ZHX3: variants seen among roughly 807,000 people sequenced by gnomAD.
ZHX3 encodes the protein zinc fingers and homeoboxes protein 3.
A neutral mutation model predicts 64.5 loss-of-function variants in ZHX3; 20 were observed. That is an observed-to-expected ratio of 0.31 (90% CI 0.22 to 0.45). The LOEUF is 0.45. Among genes scored for constraint, ZHX3 ranks in the 20% least tolerant of loss-of-function variants. The probability of loss-of-function intolerance (pLI) is 1.00; values close to 1 mark genes in which losing one functional copy is unlikely to be tolerated. For synonymous variants in ZHX3, 423 were observed against 461.6 expected (o/e 0.92, Z 1.07); for missense variants, 1,041 against 1,195.8 (o/e 0.87, Z 1.91).
At chr20:41,215,169 A>C (rs917708285) in intron 2 of ZHX3, among the ~76,000 whole-genome samples, 1 of 152,166 alleles carries the variant, frequency 6.6e-6, no homozygotes, top group African/African-American at 2.4e-5. Flanking sequence ...AGGCAGGAGA[A>C]TCACTTGAAC....
chr20:41,289,285 G>T (rs2044103898), intron 1 of ZHX3, among the ~76,000 whole-genome samples: 1 of 152,124 alleles, frequency 6.6e-6, no homozygotes, highest in East Asian at 1.9e-4. Context: ...ACAGGCATGA[G>T]CCACAGCACT....
rs892083495 is a variant in ZHX3 at position 41,212,992 on chromosome 20, T to G, written c.-150-7926A>C. On this transcript the variant is annotated intron_variant, in intron 2 of 3. Transcript: ENST00000683867. The surrounding 1 kb of genome is among the most constrained non-coding windows in gnomAD (Gnocchi z 4.3). ...ATCTATCAGCTGGTGAATGGGTAAG[T>G]AAAATATGATATATCCATACGATGA... Among the ~76,000 whole-genome samples the G allele has an allele frequency of 3.3e-5, 5 of 152,126 alleles. No homozygotes were observed. Among genetic ancestry groups the G allele is most frequent in the African/African-American group, 1.2e-4 (5 of 41,434 alleles).
intron 2 of ZHX3, among the ~76,000 whole-genome samples, chr20:41,246,885 CA>C (rs1380388802): frequency 0.04 from 2,143 of 53,552 alleles, 32 homozygotes; most frequent in African/African-American, 0.25. Flanking sequence ...AAAAAAAAAC[CA>C]AACAAACAAA....
rs1048187273 is a variant in ZHX3 at position 41,181,305 on chromosome 20, A to C, written c.*3886T>G. 3 of 152,178 alleles carry C rather than the reference A, an allele frequency of 2.0e-5. No individual in the cohort carries two copies. Among genetic ancestry groups the C allele is most frequent in the Admixed American group, 6.5e-5 (1 of 15,278 alleles). 9.4% of individuals were successfully genotyped at this position (152,178 alleles called of 1,614,324 possible). ...CTTGAGAATGGATGTGATATGTGAA[A>C]ATTTAAATTTAATACAAAAGCACAT... On this transcript the variant is annotated 3_prime_UTR_variant, in exon 4 of 4. Coordinates refer to ENST00000683867, the MANE Select transcript of ZHX3 (RefSeq NM_001384317.1).
chr20:41,197,865 C>T (rs1600735180), intron 3 of ZHX3, among the ~76,000 whole-genome samples: 2 of 151,950 alleles, frequency 1.3e-5, no homozygotes, highest in African/African-American at 4.8e-5. Flanking sequence ...CATTCTATGC[C>T]CATTAATATA....
At chr20:41,300,616 AAGG>A (rs2044764675) in intron 1 of ZHX3, among the ~76,000 whole-genome samples, 1 of 152,190 alleles carries the variant, frequency 6.6e-6, no homozygotes, top group African/African-American at 2.4e-5. Context: ...AGAAATGGAA[AAGG>A]AGAAGTGGCA....
At chr20:41,240,995 T>G (rs888925248) in intron 2 of ZHX3, among the ~76,000 whole-genome samples, 3 of 152,204 alleles carry the variant, frequency 2.0e-5, no homozygotes, top group African/African-American at 7.2e-5. Flanking sequence ...AGATATCTCT[T>G]CGATATACTA....
intron 2 of ZHX3, among the ~76,000 whole-genome samples, chr20:41,233,370 T>C (rs2040755830): frequency 1.3e-5 from 2 of 152,244 alleles, no homozygotes; most frequent in Non-Finnish European, 2.9e-5. Flanking sequence ...CTAGGCTTTA[T>C]GCTGCAAAAC....
At chr20:41,270,888 T>C (rs1384474507) in intron 1 of ZHX3, among the ~76,000 whole-genome samples, 1 of 152,126 alleles carries the variant, frequency 6.6e-6, no homozygotes, top group Non-Finnish European at 1.5e-5. Context: ...CTTCTAATTC[T>C]CCCTACCTTA....
At chr20:41,250,160 C>T (rs1478177456) in intron 2 of ZHX3, among the ~76,000 whole-genome samples, 1 of 152,142 alleles carries the variant, frequency 6.6e-6, no homozygotes, top group Non-Finnish European at 1.5e-5. Flanking sequence ...ACTCCTTACC[C>T]CCATCAGACA....
At chr20:41,299,289 C>T (rs1279456280) in intron 1 of ZHX3, among the ~76,000 whole-genome samples, 4 of 152,010 alleles carry the variant, frequency 2.6e-5, no homozygotes, top group Non-Finnish European at 5.9e-5. Flanking sequence ...ATCAGCCCAA[C>T]ACTATATCAA....
At position 41,217,970 on chromosome 20, in the gene ZHX3, C is replaced by G. The variant is rs564441303; in HGVS notation, c.-150-12904G>C. 9.7e-4 allele frequency among the ~76,000 whole-genome samples: 148 copies of G among 152,296 alleles called. 1 individual carries two copies. The highest frequency in any genetic ancestry group is 4.8e-3 in the South Asian group (23 of 4,822). Reference sequence around the variant, plus strand: ...ACAGAGGGTTCGAAGATTTTACAACCTGAACTATTCTAGTGTTTTGTTTTG... The same window carrying G: ...ACAGAGGGTTCGAAGATTTTACAACGTGAACTATTCTAGTGTTTTGTTTTG... On this transcript the variant is annotated intron_variant, in intron 2 of 3. Transcript: ENST00000683867.
intron 2 of ZHX3, among the ~76,000 whole-genome samples, chr20:41,259,278 C>A (rs1176226632): frequency 2.0e-5 from 3 of 152,286 alleles, no homozygotes; most frequent in Non-Finnish European, 4.4e-5. Flanking sequence ...TCAGAAAATG[C>A]ACAATATATT....
In ZHX3 at chr20:41,221,338, TCTTGGATTTAATC is replaced by T. The variant is rs1324976310; in HGVS notation, c.-150-16285_-150-16273del. Among the ~76,000 whole-genome samples the T allele has an allele frequency of 3.3e-5, 5 of 152,340 alleles. No individual in the cohort carries two copies. In the South Asian group the frequency reaches 1.0e-3, roughly 32 times the overall value. On this transcript the variant is annotated intron_variant, in intron 2 of 3. Coordinates refer to ENST00000683867, the MANE Select transcript of ZHX3 (RefSeq NM_001384317.1). ...TCCCCTGAAAAATATGGATCAATGC[TCTTGGATTTAATC>T]CACAGCACCAGGACTTGTACCAAAA...
chr20:41,295,979 T>C (rs2044496556), intron 1 of ZHX3, among the ~76,000 whole-genome samples: 2 of 152,182 alleles, frequency 1.3e-5, no homozygotes, highest in Admixed American at 6.5e-5. Flanking sequence ...CAGTTGGTTG[T>C]CCTTTATAAT....
chr20:41,283,237 G>T (rs1400957369), intron 1 of ZHX3, among the ~76,000 whole-genome samples: 1 of 152,078 alleles, frequency 6.6e-6, no homozygotes, highest in East Asian at 1.9e-4. Flanking sequence ...CGCCATCAGG[G>T]TGCATGTGTG....
intron 1 of ZHX3, among the ~76,000 whole-genome samples, chr20:41,296,274 T>C (rs1463213372): frequency 2.4e-5 from 3 of 123,514 alleles, no homozygotes; most frequent in African/African-American, 5.9e-5. Context: ...AAAAAATACA[T>C]GGCAGCTCTG....
At chr20:41,302,348 C>T (rs1377243055) in intron 1 of ZHX3, among the ~76,000 whole-genome samples, 1 of 152,204 alleles carries the variant, frequency 6.6e-6, no homozygotes, top group South Asian at 2.1e-4. Context: ...AAGCTCACCA[C>T]AAAGGTGTAC....
chr20:41,226,772 G>A lies in ZHX3; in HGVS notation c.-150-21706C>T, dbSNP rs997502275. Among the ~76,000 whole-genome samples the A allele has an allele frequency of 6.6e-6, 1 of 152,138 alleles. No homozygotes were observed. The highest frequency in any genetic ancestry group is 1.5e-5 in the Non-Finnish European group (1 of 68,020). On this transcript the variant is annotated intron_variant, in intron 2 of 3. Coordinates refer to ENST00000683867, the MANE Select transcript of ZHX3 (RefSeq NM_001384317.1). The surrounding 1 kb of genome is among the most constrained non-coding windows in gnomAD (Gnocchi z 4.4). ...TTTATTTTACTTGTCCAAAAGGGAA[G>A]GAAGCTATTATACCTTTCCTATCCC...
Sources: allele counts gnomAD v4.1 joint callset (sites outside exome capture counted in the v4.1 genomes callset), GRCh38; gene constraint gnomAD v4.1.1; non-coding constraint Gnocchi (gnomAD v3.1); transcripts MANE v1.5; gene names NCBI Gene and HGNC (gene_info 2026-07-23, HGNC 2026-07-21).